Variants in ELAC1 observed in about 807,000 individuals in gnomAD.
ELAC1 encodes the protein elaC ribonuclease Z 1, also known as zinc phosphodiesterase ELAC protein 1.
A neutral mutation model predicts 25.8 loss-of-function variants in ELAC1; 19 were observed. The observed-to-expected ratio is 0.74, with a 90% CI of 0.51 to 1.08. The LOEUF is 1.08. Among genes scored for constraint, ELAC1 ranks in the 50% least tolerant of loss-of-function variants. ELAC1 has a pLI of 0.00. For missense variants in ELAC1, 403 were observed against 434.6 expected, an observed-to-expected ratio of 0.93 and a Z score of 0.65; for synonymous variants, 148 against 160.9, an observed-to-expected ratio of 0.92 and a Z score of 0.61.
intron 2 of ELAC1, among the ~76,000 whole-genome samples, chr18:50,980,646 C>G (rs554984462): frequency 6.6e-6 from 1 of 151,004 alleles, no homozygotes; most frequent in East Asian, 2.0e-4. Flanking sequence ...GCCTGTAAAC[C>G]CAGCTACTTG....
chr18:50,986,703 A>G lies in ELAC1; in HGVS notation c.710A>G (p.Asp237Gly), dbSNP rs1278888536. The stretch of plus-strand genomic sequence containing the variant: ...AATGGGGTTACAATTTCTCCCCAAG[A>G]TGTCTTAAAAAAGCCTATTGTTGGA... ...LENGVTISPQDVLKKPIVGRK... is the reference protein window; with the variant it reads ...LENGVTISPQGVLKKPIVGRK... The change falls in exon 4 of 4, where the codon GAT becomes GGT. Residue 237 changes from aspartate (D) to glycine (G), a missense_variant. Transcript: ENST00000269466. 1.2e-6 allele frequency: 2 copies of G among 1,614,200 alleles called. No homozygotes were observed. The highest frequency in any genetic ancestry group is 2.2e-5 in the South Asian group (2 of 91,086).
At chr18:50,973,365 A>G (rs369409829) in intron 1 of ELAC1, among the ~76,000 whole-genome samples, 9 of 152,324 alleles carry the variant, frequency 5.9e-5, no homozygotes, top group African/African-American at 1.9e-4. Context: ...TATATCAGTG[A>G]TGTCAGATGT....
chr18:50,979,023 C>T (rs1046116156), intron 2 of ELAC1, among the ~76,000 whole-genome samples: 13 of 152,190 alleles, frequency 8.5e-5, no homozygotes, highest in African/African-American at 3.1e-4. Flanking sequence ...TGGACAGGCA[C>T]AGGCCAGAGT....
At chr18:50,985,447 C>A (rs1485378137) in intron 3 of ELAC1, among the ~76,000 whole-genome samples, 1 of 152,254 alleles carries the variant, frequency 6.6e-6, no homozygotes, top group African/African-American at 2.4e-5. Context: ...TGGGGCCCAT[C>A]TAAGGCTTCA....
chr18:50,980,403 A>G (rs1907912971), intron 2 of ELAC1, among the ~76,000 whole-genome samples: 1 of 151,964 alleles, frequency 6.6e-6, no homozygotes, highest in Admixed American at 6.6e-5. Flanking sequence ...ATAAAAGAAA[A>G]CAAAAAAAAC....
rs553002050 is a variant in ELAC1, at chr18:50,973,039, G to A, written c.-8-1358G>A. Reference sequence around the variant, plus strand: ...AGTCATCCTATCAGGGACATAATGTGTATCTTTTATTCGTGTGAATCTTTT... The same window carrying A: ...AGTCATCCTATCAGGGACATAATGTATATCTTTTATTCGTGTGAATCTTTT... On this transcript the variant is annotated intron_variant, in intron 1 of 3. Coordinates refer to ENST00000269466, the MANE Select transcript of ELAC1 (RefSeq NM_018696.3). Among the ~76,000 whole-genome samples the A allele has an allele frequency of 2.0e-5, 3 of 152,302 alleles. No homozygotes were observed. In the South Asian group the frequency reaches 6.2e-4, roughly 32 times the overall value.
At chr18:50,983,171 T>TTG (rs1908004250) in intron 2 of ELAC1, among the ~76,000 whole-genome samples, 1 of 141,734 alleles carries the variant, frequency 7.1e-6, no homozygotes, top group Non-Finnish European at 1.5e-5. Flanking sequence ...TTTTTTTTTT[T>TTG]TTTTTTTTTT....
At chr18:50,978,740 T>C (rs1469327034) in intron 2 of ELAC1, among the ~76,000 whole-genome samples, 1 of 152,022 alleles carries the variant, frequency 6.6e-6, no homozygotes, top group African/African-American at 2.4e-5. Flanking sequence ...CTTGTAGAAA[T>C]AAGAGGAGAT....
At chr18:50,974,644 G>T (rs1907756966) in intron 2 of ELAC1, 83 bp downstream of exon 2, 1 of 1,366,470 alleles carries the variant, frequency 7.3e-7, no homozygotes, top group Non-Finnish European at 1.0e-6. Context: ...ATTTTGTTTA[G>T]AAACAGCCCT....
intron 1 of ELAC1, chr18:50,969,617 G>T (rs1184786542): frequency 6.6e-6 from 1 of 152,236 alleles, no homozygotes; most frequent in Non-Finnish European, 1.5e-5. Flanking sequence ...ATCACTAGCG[G>T]CTGTTAACGT....
chr18:50,986,803 C>A lies in ELAC1; in HGVS notation c.810C>A (p.Asp270Glu), dbSNP rs201099538. ...DGGVKLCFEA[D>E]LLIHEATLDD... is the part of the protein sequence containing the mutation. ...GAGTAAAACTGTGCTTTGAAGCAGA[C>A]CTGTTGATCCACGAAGCAACCCTGG... Residue 270 changes from aspartate (D) to glutamate (E), a missense_variant, in exon 4 of 4, where the codon GAC (aspartate) becomes GAA (glutamate). Coordinates refer to ENST00000269466, the MANE Select transcript of ELAC1 (RefSeq NM_018696.3). The A allele has an allele frequency of 3.7e-6, 6 of 1,614,040 alleles. No individual in the cohort carries two copies. The highest frequency in any genetic ancestry group is 3.4e-6 in the Non-Finnish European group (4 of 1,180,038).
intron 3 of ELAC1, 170 bp downstream of exon 3, chr18:50,984,733 A>G: frequency 1.6e-6 from 1 of 612,090 alleles, no homozygotes; most frequent in African/African-American, 1.8e-5. Flanking sequence ...GGAGTTCAAG[A>G]CCAGCCTGGG....
intron 1 of ELAC1, chr18:50,968,571 T>C (rs1268168034): frequency 2.0e-5 from 3 of 152,286 alleles, no homozygotes; most frequent in Non-Finnish European, 4.4e-5. Flanking sequence ...CTCCAAATGC[T>C]GATGCCCCAT....
chr18:50,973,057 A>G, intron 1 of ELAC1, among the ~76,000 whole-genome samples: 1 of 152,124 alleles, frequency 6.6e-6, no homozygotes, highest in East Asian at 1.9e-4. Context: ...TATTCGTGTG[A>G]ATCTTTTGGG....
At chr18:50,985,293 G>A (rs1908076512) in intron 3 of ELAC1, among the ~76,000 whole-genome samples, 1 of 152,194 alleles carries the variant, frequency 6.6e-6, no homozygotes, top group South Asian at 2.1e-4. Flanking sequence ...CTGCAACCAT[G>A]TGCTTTCAGA....
chr18:50,984,072 G>A (rs368424380), intron 2 of ELAC1, 24 bp from the exon 3 acceptor site: 574 of 1,501,076 alleles, frequency 3.8e-4, no homozygotes, highest in Non-Finnish European at 4.7e-4. Flanking sequence ...ATTTCCAAAC[G>A]TATTTCTCTA....
chr18:50,980,305 T>C (rs1907910429), intron 2 of ELAC1, among the ~76,000 whole-genome samples: 1 of 151,088 alleles, frequency 6.6e-6, no homozygotes, highest in Non-Finnish European at 1.5e-5. Flanking sequence ...CAAGACCCTG[T>C]CTCAACAAAT....
chr18:50,985,141 C>G (rs1283368896), intron 3 of ELAC1, among the ~76,000 whole-genome samples: 1 of 152,196 alleles, frequency 6.6e-6, no homozygotes, highest in Admixed American at 6.5e-5. Flanking sequence ...TCACCTTATA[C>G]TATCTTGGTT....
intron 2 of ELAC1, among the ~76,000 whole-genome samples, chr18:50,983,460 C>T (rs1260385341): frequency 6.6e-6 from 1 of 152,004 alleles, no homozygotes; most frequent in East Asian, 1.9e-4. Flanking sequence ...GCCACCGTGC[C>T]TGGCCTACTT....
Sources: gnomAD v4.1 joint callset for allele counts (sites outside exome capture counted in the v4.1 genomes callset) on GRCh38, gnomAD v4.1.1 for gene constraint, MANE v1.5 for transcripts, NCBI Gene and HGNC (gene_info 2026-07-23, HGNC 2026-07-21) for gene names.